Variants in ARPC2 observed in about 807,000 individuals in gnomAD.
The protein encoded by ARPC2 is actin related protein 2/3 complex subunit 2.
In ARPC2, 4 loss-of-function variants were observed where a neutral mutation model predicts 38.6. The ratio of observed to expected loss-of-function variants is 0.10; its 90% confidence interval spans 0.05 to 0.24. The LOEUF (loss-of-function observed/expected upper bound fraction) is 0.24. Among genes scored for constraint, ARPC2 ranks in the 10% least tolerant of loss-of-function variants. ARPC2 has a pLI of 1.00. For missense variants in ARPC2, 229 were observed against 387.3 expected, an observed-to-expected ratio of 0.59 and a Z score of 3.43; for synonymous variants, 125 against 140.8, an observed-to-expected ratio of 0.89 and a Z score of 0.79.
intron 4 of ARPC2, chr2:218,233,404 C>T (rs1689687775): frequency 6.6e-6 from 1 of 151,700 alleles, no homozygotes; most frequent in Admixed American, 6.6e-5. Context: ...GACATTCAAA[C>T]CATAGCAGAA....
intron 4 of ARPC2, among the ~76,000 whole-genome samples, chr2:218,231,497 A>T (rs1443008181): frequency 6.6e-6 from 1 of 152,176 alleles, no homozygotes; most frequent in East Asian, 1.9e-4. Context: ...TGCAACACAG[A>T]CTTGTAGCTC....
At chr2:218,249,989 T>G in intron 10 of ARPC2, 68 bp downstream of exon 10, 1 of 1,339,400 alleles carries the variant, frequency 7.5e-7, no homozygotes, top group Non-Finnish European at 1.0e-6. Context: ...CAGTGGGCGC[T>G]GGTGGCCTGG....
chr2:218,231,691 A>C (rs1689637633), intron 4 of ARPC2, among the ~76,000 whole-genome samples: 1 of 152,232 alleles, frequency 6.6e-6, no homozygotes, highest in Non-Finnish European at 1.5e-5. Context: ...CAATCACCAA[A>C]TAGGAACTAC....
At chr2:218,218,167 A>G (rs886323911) in intron 2 of ARPC2, among the ~76,000 whole-genome samples, 1 of 145,372 alleles carries the variant, frequency 6.9e-6, no homozygotes, top group Non-Finnish European at 1.5e-5. Flanking sequence ...TTTAAAGCAA[A>G]GCCAATTGTC....
chr2:218,227,093 T>G (rs1689516183), intron 3 of ARPC2: 1 of 451,510 alleles, frequency 2.2e-6, no homozygotes, highest in Non-Finnish European at 4.5e-6. Context: ...TGCTGTTACC[T>G]GGAGGCCAGG....
At position 218,254,229 on chromosome 2, in the gene ARPC2, G is replaced by C. The variant is rs560728818; in HGVS notation, c.*314G>C. ...CTGTTTCGCTTTGCAATATATTACT[G>C]GTAATGAGTTGCAGGATAATGCAGT... On this transcript the variant is annotated 3_prime_UTR_variant, in exon 11 of 11. Coordinates refer to ENST00000315717, the MANE Select transcript of ARPC2 (RefSeq NM_152862.3). The C allele has an allele frequency of 1.8e-5, 6 of 324,498 alleles. No individual in the cohort carries two copies. In the South Asian group the frequency reaches 2.2e-4, roughly 12 times the overall value. 20.1% of individuals were successfully genotyped at this position (324,498 alleles called of 1,614,324 possible). A position where few individuals can be genotyped will look rare whatever the true frequency, so the allele number is the denominator to read the frequency against.
At position 218,244,484 on chromosome 2, in the gene ARPC2, G is replaced by A. The variant is rs565474864; in HGVS notation, c.550-936G>A. On this transcript the variant is annotated intron_variant, in intron 7 of 10. Transcript: ENST00000315717. ...CATGTGCTGCATAGCCTCTTTGAAAGACAGAAGAATAAATTACAAAGATAA... is the reference window on the plus strand; with the variant it reads ...CATGTGCTGCATAGCCTCTTTGAAAAACAGAAGAATAAATTACAAAGATAA... 2.0e-5 allele frequency among the ~76,000 whole-genome samples: 3 copies of A among 152,354 alleles called. No individual in the cohort carries two copies. In the South Asian group the frequency reaches 6.2e-4, roughly 32 times the overall value.
intron 2 of ARPC2, 69 bp from the exon 3 acceptor site, chr2:218,225,851 T>G: frequency 1.6e-5 from 25 of 1,520,568 alleles, no homozygotes; most frequent in Non-Finnish European, 1.9e-5. Context: ...TCAGGTGCCT[T>G]TCCAGTTCCC....
chr2:218,225,149 T>C (rs553426132), intron 2 of ARPC2, among the ~76,000 whole-genome samples: 2 of 152,276 alleles, frequency 1.3e-5, no homozygotes, highest in South Asian at 4.1e-4. Flanking sequence ...TCATTTTTAT[T>C]CCCCCATTTT....
At chr2:218,244,505 GATAAATTAA>G (rs1689985922) in intron 7 of ARPC2, among the ~76,000 whole-genome samples, 1 of 152,238 alleles carries the variant, frequency 6.6e-6, no homozygotes, top group African/African-American at 2.4e-5. Flanking sequence ...AAATTACAAA[GATAAATTAA>G]GCAGGATCTT....
At chr2:218,250,432 G>A (rs906051113) in intron 10 of ARPC2, among the ~76,000 whole-genome samples, 2 of 152,146 alleles carry the variant, frequency 1.3e-5, no homozygotes, top group African/African-American at 4.8e-5. Context: ...GGGAGGCTGA[G>A]ATGGGTGGAT....
chr2:218,221,738 TA>T (rs775469101), intron 2 of ARPC2, among the ~76,000 whole-genome samples: 8 of 152,328 alleles, frequency 5.3e-5, no homozygotes, highest in Non-Finnish European at 8.8e-5. Flanking sequence ...TGACATTGAG[TA>T]AATCAGCTTT....
At chr2:218,238,892 A>ACAC in intron 6 of ARPC2, 42 bp downstream of exon 6, 1 of 1,459,712 alleles carries the variant, frequency 6.9e-7, no homozygotes, top group Non-Finnish European at 9.5e-7. Context: ...TATGGCTGCT[A>ACAC]CACCACCATG....
intron 7 of ARPC2, among the ~76,000 whole-genome samples, chr2:218,242,850 A>C (rs888676509): frequency 6.6e-6 from 1 of 152,212 alleles, no homozygotes; most frequent in Non-Finnish European, 1.5e-5. Context: ...TTCTTTACAT[A>C]CTAGGGAGAG....
At position 218,245,406 on chromosome 2, in the gene ARPC2, C is replaced by T. The variant is rs1690008273; in HGVS notation, c.550-14C>T. On this transcript the variant is annotated splice_polypyrimidine_tract_variant and intron_variant, in intron 7 of 10. Transcript: ENST00000315717. ...CCCACTTCTCTTCTGGTTGCTTTTG[C>T]TTTGTCTTGGCAGGAGTTCAAAGAA... The T allele has an allele frequency of 6.2e-7, 1 of 1,613,746 alleles. No individual in the cohort carries two copies. The highest frequency in any genetic ancestry group is 1.7e-5 in the Admixed American group (1 of 59,962).
At chr2:218,227,118 C>T (rs1446950970) in intron 3 of ARPC2, 8 of 430,496 alleles carry the variant, frequency 1.9e-5, no homozygotes, top group Non-Finnish European at 1.9e-5. Flanking sequence ...ATCCCTTTAC[C>T]CTCCTACTAA....
At chr2:218,244,156 T>G (rs1483729229) in intron 7 of ARPC2, among the ~76,000 whole-genome samples, 2 of 152,242 alleles carry the variant, frequency 1.3e-5, no homozygotes, top group Non-Finnish European at 1.5e-5. Context: ...TTGGATATTT[T>G]TCCTTCGGGG....
intron 7 of ARPC2, among the ~76,000 whole-genome samples, chr2:218,245,208 T>C (rs16858894): frequency 0.056 from 8,540 of 152,290 alleles, 819 homozygotes; most frequent in African/African-American, 0.19. Flanking sequence ...ATCTGACTTA[T>C]TAAGTACTTT....
chr2:218,245,992 G>A (rs1217944948), intron 8 of ARPC2, among the ~76,000 whole-genome samples: 1 of 151,986 alleles, frequency 6.6e-6, no homozygotes, highest in African/African-American at 2.4e-5. Context: ...AAGGCAGGTG[G>A]ATCACGAGGT....
Sources: gnomAD v4.1 joint callset for allele counts (sites outside exome capture counted in the v4.1 genomes callset) on GRCh38, gnomAD v4.1.1 for gene constraint, MANE v1.5 for transcripts, NCBI Gene and HGNC (gene_info 2026-07-23, HGNC 2026-07-21) for gene names.